TMEM87B: variants seen among roughly 807,000 people sequenced by gnomAD.
TMEM87B encodes the protein transmembrane protein 87B.
A neutral mutation model predicts 80.3 loss-of-function variants in TMEM87B; 83 were observed. The observed-to-expected ratio is 1.03, with a 90% CI of 0.87 to 1.24. The LOEUF (loss-of-function observed/expected upper bound fraction) is 1.24, where lower values mean the gene tolerates loss of function less well. TMEM87B is among the 50% of genes most tolerant of loss of function. TMEM87B has a pLI of 0.00. For synonymous variants in TMEM87B, 219 were observed against 230.5 expected, an observed-to-expected ratio of 0.95 and a Z score of 0.45; for missense variants, 625 against 674.4, an observed-to-expected ratio of 0.93 and a Z score of 0.81.
chr2:112,083,198 G>A (rs1258575299), intron 8 of TMEM87B, among the ~76,000 whole-genome samples: 1 of 152,192 alleles, frequency 6.6e-6, no homozygotes, highest in Non-Finnish European at 1.5e-5. Context: ...TAGATTGACA[G>A]GAAGATGTAG....
At chr2:112,115,949 A>G (rs1190475936) in intron 18 of TMEM87B, 135 bp from the exon 19 acceptor site, 1 of 646,992 alleles carries the variant, frequency 1.5e-6, no homozygotes. Context: ...TATTTTCTGT[A>G]TGTAATATTT....
At chr2:112,078,839 C>T (rs533704513) in intron 6 of TMEM87B, among the ~76,000 whole-genome samples, 12 of 152,184 alleles carry the variant, frequency 7.9e-5, no homozygotes, top group African/African-American at 2.9e-4. Context: ...GATAAGGTCC[C>T]GGTGAGATGA....
intron 17 of TMEM87B, among the ~76,000 whole-genome samples, chr2:112,112,075 C>A (rs1003017166): frequency 6.6e-6 from 1 of 152,168 alleles, no homozygotes; most frequent in East Asian, 1.9e-4. Context: ...CCTAGTCAGT[C>A]TCCTGGCCCT....
At chr2:112,085,438 G>T (rs1484164816) in intron 8 of TMEM87B, among the ~76,000 whole-genome samples, 2 of 151,914 alleles carry the variant, frequency 1.3e-5, no homozygotes, top group Non-Finnish European at 2.9e-5. Context: ...CCCAATTCTA[G>T]TTCCCCCAGG....
intron 17 of TMEM87B, among the ~76,000 whole-genome samples, chr2:112,108,686 G>A (rs547201594): frequency 2.4e-4 from 37 of 152,210 alleles, no homozygotes; most frequent in African/African-American, 7.9e-4. Flanking sequence ...TGTTTGTGTG[G>A]GTTGAGGTTT....
Position 112,089,694 on chromosome 2 carries a change from T to C in TMEM87B, c.1008T>C (p.Val336=), listed in dbSNP as rs370778940. 47 of 1,614,036 alleles carry C rather than the reference T, an allele frequency of 2.9e-5. No homozygotes were observed. The African/African-American group carries it at 6.1e-4, about 21-fold the overall frequency. The change falls in exon 10 of 19, where the codon GTT becomes GTC. Residue 336 remains valine (V), a synonymous_variant. Transcript: ENST00000283206. ...TTCTATACTTAATCTTTGCAGCTGT[T>C]GAAGGCGTGATGAGAGTCATTGGGG... ...LGLLYLIFAA[V]EGVMRVIGGS...
chr2:112,105,516 C>T (rs1679742225), intron 15 of TMEM87B, among the ~76,000 whole-genome samples: 1 of 152,322 alleles, frequency 6.6e-6, no homozygotes, highest in Admixed American at 6.5e-5. Context: ...GCCTTTGCTC[C>T]ACTGAAACTG....
At chr2:112,089,977 A>G (rs1014549075) in intron 10 of TMEM87B, among the ~76,000 whole-genome samples, 1 of 152,254 alleles carries the variant, frequency 6.6e-6, no homozygotes, top group African/African-American at 2.4e-5. Context: ...AGAAAGGTTC[A>G]TGGTTGTTCT....
At chr2:112,095,064 T>G (rs576124694) in intron 11 of TMEM87B, among the ~76,000 whole-genome samples, 1 of 151,234 alleles carries the variant, frequency 6.6e-6, no homozygotes, top group South Asian at 2.1e-4. Context: ...AAAAATAGGC[T>G]GAAAAATTCA....
At chr2:112,059,583 G>A (rs1315819549) in intron 1 of TMEM87B, among the ~76,000 whole-genome samples, 1 of 152,152 alleles carries the variant, frequency 6.6e-6, no homozygotes, top group Non-Finnish European at 1.5e-5. Flanking sequence ...AATTGCATTG[G>A]TAAACCATAA....
At chr2:112,112,793 A>G in intron 17 of TMEM87B, 106 bp from the exon 18 acceptor site, 1 of 1,042,334 alleles carries the variant, frequency 9.6e-7, no homozygotes, top group Non-Finnish European at 1.5e-6. Context: ...GTGGATACCC[A>G]GGAGTGAGAA....
chr2:112,073,943 T>C (rs1678734270), intron 4 of TMEM87B, among the ~76,000 whole-genome samples: 2 of 152,344 alleles, frequency 1.3e-5, no homozygotes, highest in East Asian at 3.9e-4. Flanking sequence ...TTCCATTTGC[T>C]TGGTAGATTT....
At chr2:112,075,460 C>T (rs1678783973) in intron 5 of TMEM87B, among the ~76,000 whole-genome samples, 1 of 152,156 alleles carries the variant, frequency 6.6e-6, no homozygotes, top group Non-Finnish European at 1.5e-5. Flanking sequence ...CTATCTTTGT[C>T]TAAAAATATC....
At chr2:112,081,877 T>A (rs1679008483) in intron 8 of TMEM87B, among the ~76,000 whole-genome samples, 1 of 152,196 alleles carries the variant, frequency 6.6e-6, no homozygotes, top group South Asian at 2.1e-4. Context: ...ACATCTTCTT[T>A]TCTTTCTCCT....
intron 14 of TMEM87B, among the ~76,000 whole-genome samples, chr2:112,099,525 C>CATATATATAT (rs778514391): frequency 0.016 from 1,979 of 122,456 alleles, 21 homozygotes; most frequent in South Asian, 0.028. Context: ...TACAATAATA[C>CATATATATAT]ATATATATAT....
chr2:112,069,194 G>A (rs1218505760), intron 4 of TMEM87B, among the ~76,000 whole-genome samples: 1 of 104,586 alleles, frequency 9.6e-6, no homozygotes, highest in South Asian at 3.4e-4. Flanking sequence ...GCGAGACTCC[G>A]TCTCAAAAAA....
At chr2:112,067,858 A>G (rs1317418540) in intron 4 of TMEM87B, among the ~76,000 whole-genome samples, 1 of 152,164 alleles carries the variant, frequency 6.6e-6, no homozygotes, top group African/African-American at 2.4e-5. Context: ...ACACATGTCA[A>G]CACTAACTCC....
chr2:112,115,605 C>G (rs1201922091), intron 18 of TMEM87B, among the ~76,000 whole-genome samples: 1 of 152,066 alleles, frequency 6.6e-6, no homozygotes, highest in African/African-American at 2.4e-5. Context: ...TTCAATAATA[C>G]ATTAATTTAG....
At chr2:112,112,052 C>T (rs906928864) in intron 17 of TMEM87B, among the ~76,000 whole-genome samples, 4 of 152,148 alleles carry the variant, frequency 2.6e-5, no homozygotes, top group African/African-American at 7.2e-5. Context: ...TCTGCCTTGC[C>T]TCCTTCCTCA....
Sources: gnomAD v4.1 joint callset for allele counts (sites outside exome capture counted in the v4.1 genomes callset) on GRCh38, gnomAD v4.1.1 for gene constraint, MANE v1.5 for transcripts, NCBI Gene and HGNC (gene_info 2026-07-23, HGNC 2026-07-21) for gene names.